The following ADGRL3 variants were observed in gnomAD, a reference collection of about 807,000 sequenced individuals.
The protein encoded by ADGRL3 is calcium-independent alpha-latrotoxin receptor 3.
In ADGRL3, 62 loss-of-function variants were observed where a neutral mutation model predicts 153.5. That is an observed-to-expected ratio of 0.40 (90% CI 0.33 to 0.50). The LOEUF (loss-of-function observed/expected upper bound fraction) is 0.50, where lower values mean the gene tolerates loss of function less well. ADGRL3 is among the 20% of genes least tolerant of loss of function. The probability of loss-of-function intolerance (pLI) is 0.47; values close to 1 mark genes in which losing one functional copy is unlikely to be tolerated. For missense variants in ADGRL3, 1,641 were observed against 1,859.4 expected, an observed-to-expected ratio of 0.88 and a Z score of 2.16; for synonymous variants, 710 against 672.5, an observed-to-expected ratio of 1.06 and a Z score of -0.86.
At chr4:61,962,144 C>G (rs184143657) in intron 17 of ADGRL3, among the ~76,000 whole-genome samples, 1 of 151,892 alleles carries the variant, frequency 6.6e-6, no homozygotes, top group African/African-American at 2.4e-5. Flanking sequence ...GAGGGTGAGG[C>G]AGGAAAATTG....
intron 6 of ADGRL3, among the ~76,000 whole-genome samples, chr4:61,707,769 T>A (rs1021001350): frequency 6.6e-6 from 1 of 152,144 alleles, no homozygotes; most frequent in African/African-American, 2.4e-5. Context: ...CTCAAATGTA[T>A]CCCAGCATGC....
At chr4:61,392,186 A>T (rs1011796105) in intron 2 of ADGRL3, among the ~76,000 whole-genome samples, 2 of 151,030 alleles carry the variant, frequency 1.3e-5, no homozygotes, top group African/African-American at 4.9e-5. Flanking sequence ...TACTTTTATG[A>T]TATTTTCCTT....
intron 19 of ADGRL3, among the ~76,000 whole-genome samples, chr4:61,987,805 C>A (rs17292142): frequency 0.17 from 25,747 of 151,964 alleles, 2,711 homozygotes; most frequent in East Asian, 0.43. Context: ...TACAGTACAT[C>A]TAGAATAAAA....
intron 4 of ADGRL3, among the ~76,000 whole-genome samples, chr4:61,543,998 T>G (rs2098702478): frequency 6.6e-6 from 1 of 152,218 alleles, no homozygotes; most frequent in Non-Finnish European, 1.5e-5. Flanking sequence ...TCTACTTATG[T>G]GATGGAACTA....
chr4:61,312,289 A>T (rs1322500930), intron 1 of ADGRL3, among the ~76,000 whole-genome samples: 1 of 152,192 alleles, frequency 6.6e-6, no homozygotes, highest in Non-Finnish European at 1.5e-5. Flanking sequence ...GTGGATCAAG[A>T]CCTAAATGTA....
intron 8 of ADGRL3, among the ~76,000 whole-genome samples, chr4:61,744,083 C>T (rs372813712): frequency 6.6e-6 from 1 of 152,184 alleles, no homozygotes; most frequent in East Asian, 1.9e-4. Flanking sequence ...CTCGGAGGGT[C>T]CTAGGCCCAT....
chr4:61,445,057 G>GAA (rs11436954), intron 2 of ADGRL3, among the ~76,000 whole-genome samples: 68,666 of 151,008 alleles, frequency 0.45, 17,667 homozygotes, highest in East Asian at 0.58. Context: ...GTCTAAAAAA[G>GAA]AAAAAAAAAT....
chr4:61,233,148 A>G (rs1387453665), intron 1 of ADGRL3, among the ~76,000 whole-genome samples: 1 of 152,212 alleles, frequency 6.6e-6, no homozygotes, highest in Admixed American at 6.5e-5. Flanking sequence ...GTATTACCCT[A>G]GTAATAATAA....
chr4:61,968,649 T>G (rs1371724007), intron 17 of ADGRL3, among the ~76,000 whole-genome samples: 3 of 152,140 alleles, frequency 2.0e-5, no homozygotes, highest in Admixed American at 2.0e-4. Flanking sequence ...TTCTGCACAT[T>G]CTGGGGAAAC....
chr4:61,678,581 A>C (rs1337587611), intron 6 of ADGRL3, among the ~76,000 whole-genome samples: 1 of 151,964 alleles, frequency 6.6e-6, no homozygotes, highest in East Asian at 1.9e-4. Context: ...ATAGTTTACC[A>C]CAGGTTTCCT....
chr4:61,969,557 A>G (rs757515264), intron 17 of ADGRL3, among the ~76,000 whole-genome samples: 2 of 151,954 alleles, frequency 1.3e-5, no homozygotes, highest in Non-Finnish European at 2.9e-5. Context: ...TATTATAGTC[A>G]TACTCATTTG....
intron 9 of ADGRL3, among the ~76,000 whole-genome samples, chr4:61,892,292 A>T (rs572620792): frequency 6.6e-6 from 1 of 151,840 alleles, no homozygotes; most frequent in East Asian, 2.0e-4. Flanking sequence ...ACAAAGTTTG[A>T]TAATTCTAAG....
intron 8 of ADGRL3, among the ~76,000 whole-genome samples, chr4:61,778,140 T>G (rs951501969): frequency 2.0e-5 from 3 of 152,210 alleles, no homozygotes; most frequent in Non-Finnish European, 2.9e-5. Flanking sequence ...TTAAGTACAT[T>G]GTATAAAATT....
chr4:61,324,930 G>T (rs973785342), intron 1 of ADGRL3, among the ~76,000 whole-genome samples: 16 of 152,028 alleles, frequency 1.1e-4, no homozygotes, highest in Non-Finnish European at 1.9e-4. Flanking sequence ...ATATTAAATA[G>T]AATTTTAAAT....
intron 5 of ADGRL3, among the ~76,000 whole-genome samples, chr4:61,607,865 A>G (rs191326630): frequency 7.9e-5 from 12 of 152,242 alleles, no homozygotes; most frequent in Non-Finnish European, 1.3e-4. Context: ...TTCATAATTA[A>G]ACTGTAAACT....
intron 9 of ADGRL3, among the ~76,000 whole-genome samples, chr4:61,885,396 G>T (rs1447121901): frequency 6.6e-6 from 1 of 152,116 alleles, no homozygotes; most frequent in African/African-American, 2.4e-5. Context: ...TTGTTCCATT[G>T]TTCTACTTAT....
At chr4:62,016,094 G>A (rs1232191476) in intron 21 of ADGRL3, among the ~76,000 whole-genome samples, 1 of 151,492 alleles carries the variant, frequency 6.6e-6, no homozygotes, top group African/African-American at 2.4e-5. Context: ...CTGTCACCAG[G>A]CTGGAGTGCA....
chr4:61,665,818 C>G (rs1402679317), intron 5 of ADGRL3, among the ~76,000 whole-genome samples: 1 of 152,078 alleles, frequency 6.6e-6, no homozygotes, highest in Non-Finnish European at 1.5e-5. Context: ...AAGTCATGGC[C>G]TGACTTAATA....
intron 9 of ADGRL3, among the ~76,000 whole-genome samples, chr4:61,874,868 G>C (rs2098465809): frequency 7.6e-6 from 1 of 131,944 alleles, no homozygotes; most frequent in Non-Finnish European, 1.5e-5. Flanking sequence ...GACTGCAGTG[G>C]CGCAATCTCG....
Sources: gnomAD v4.1 joint callset for allele counts (sites outside exome capture counted in the v4.1 genomes callset) on GRCh38, gnomAD v4.1.1 for gene constraint, MANE v1.5 for transcripts, NCBI Gene and HGNC (gene_info 2026-07-23, HGNC 2026-07-21) for gene names.